Variants in UGGT2 observed in about 807,000 individuals in gnomAD.
The protein encoded by UGGT2 is UDP-glucose glycoprotein glucosyltransferase 2, also known as UDP-glucose:glycoprotein glucosyltransferase 2.
UGGT2 carries 180 observed loss-of-function variants against 192.1 expected under a neutral mutation model. The observed-to-expected ratio is 0.94, with a 90% CI of 0.83 to 1.06. The LOEUF (loss-of-function observed/expected upper bound fraction) is 1.06. Among genes scored for constraint, UGGT2 ranks in the 50% least tolerant of loss-of-function variants. The probability of loss-of-function intolerance (pLI) is 0.00; values close to 1 mark genes in which losing one functional copy is unlikely to be tolerated. For synonymous variants in UGGT2, 580 were observed against 591.0 expected, an observed-to-expected ratio of 0.98 and a Z score of 0.27; for missense variants, 1,849 against 1,795.7, an observed-to-expected ratio of 1.03 and a Z score of -0.54.
chr13:95,967,807 C>CCTCAGTTAAATTTAACT (rs2050636913), intron 12 of UGGT2, among the ~76,000 whole-genome samples: 1 of 152,112 alleles, frequency 6.6e-6, no homozygotes, highest in Non-Finnish European at 1.5e-5. Flanking sequence ...CTGATTTACA[C>CCTCAGTTAAATTTAACT]GTCCTCAGTT....
chr13:96,010,534 T>C (rs1301823170), intron 5 of UGGT2, among the ~76,000 whole-genome samples: 1 of 152,132 alleles, frequency 6.6e-6, no homozygotes, highest in African/African-American at 2.4e-5. Context: ...CCATTCAACA[T>C]TGACTAGAAG....
chr13:95,882,299 T>C (rs1003932031), intron 27 of UGGT2, among the ~76,000 whole-genome samples: 3 of 152,200 alleles, frequency 2.0e-5, no homozygotes, highest in African/African-American at 7.2e-5. Context: ...GTGAACAAAG[T>C]CCTGCCAAGG....
chr13:95,894,503 ATGG>A lies in UGGT2; in HGVS notation c.2855+56_2855+58del. 6 of 1,361,300 alleles carry A rather than the reference ATGG, an allele frequency of 4.4e-6. No homozygotes were observed. The South Asian group carries it at 7.5e-5, about 17-fold the overall frequency. The allele number at this position is 1,361,300 out of a possible 1,614,324, so 84.3% of individuals were successfully genotyped here. On this transcript the variant is annotated intron_variant, in intron 24 of 38. Transcript: ENST00000376747. ...AAATTTTACCATGTTATGAAAACAA[ATGG>A]AAATAATTGCATGCATTAACAGAAA... is the stretch of plus-strand genomic sequence containing the variant.
chr13:96,047,047 G>A (rs908273981), intron 1 of UGGT2, among the ~76,000 whole-genome samples: 37 of 152,184 alleles, frequency 2.4e-4, no homozygotes, highest in African/African-American at 8.4e-4. Flanking sequence ...TGGGGGTCAG[G>A]GCATAACTGA....
chr13:95,947,473 CAAG>C (rs2049914869), intron 14 of UGGT2, among the ~76,000 whole-genome samples: 1 of 144,594 alleles, frequency 6.9e-6, no homozygotes, highest in African/African-American at 2.5e-5. Context: ...TTTTTTGAGA[CAAG>C]AGTCTCGCTC....
intron 5 of UGGT2, 54 bp downstream of exon 5, chr13:96,013,253 A>G: frequency 6.7e-7 from 1 of 1,485,496 alleles, no homozygotes; most frequent in Non-Finnish European, 9.0e-7. Flanking sequence ...CGATTATCAT[A>G]ATAATTGTTT....
At chr13:95,813,469 A>C (rs967903401) in intron 38 of UGGT2, among the ~76,000 whole-genome samples, 8 of 152,186 alleles carry the variant, frequency 5.3e-5, no homozygotes, top group African/African-American at 1.7e-4. Context: ...TCTAAGCAGT[A>C]AAGTATTTAA....
intron 19 of UGGT2, among the ~76,000 whole-genome samples, chr13:95,926,145 C>T (rs1440499776): frequency 6.6e-6 from 1 of 151,750 alleles, no homozygotes; most frequent in East Asian, 1.9e-4. Flanking sequence ...TATGTAAAAC[C>T]GTAACAATCA....
chr13:95,885,800 G>A (rs565689871), intron 26 of UGGT2, among the ~76,000 whole-genome samples: 1 of 152,308 alleles, frequency 6.6e-6, no homozygotes, highest in South Asian at 2.1e-4. Context: ...GTAGTGAGTA[G>A]CAATTTCTTT....
chr13:95,936,921 T>C lies in UGGT2; in HGVS notation c.1977+3A>G. On this transcript the variant is annotated splice_donor_region_variant and intron_variant, in intron 17 of 38. Coordinates refer to ENST00000376747, the MANE Select transcript of UGGT2 (RefSeq NM_020121.4). Reference sequence around the variant, plus strand: ...ATGTATTTTCTTATAAATGCTTACCTACCAAAAAAACTTCTCTTTGTAAAT... The same window carrying C: ...ATGTATTTTCTTATAAATGCTTACCCACCAAAAAAACTTCTCTTTGTAAAT... 1 of 1,518,858 alleles carries C rather than the reference T, an allele frequency of 6.6e-7. No homozygotes were observed. The highest frequency in any genetic ancestry group is 8.8e-7 in the Non-Finnish European group (1 of 1,138,772). The allele number at this position is 1,518,858 out of a possible 1,614,324, so 94.1% of individuals were successfully genotyped here. A position where few individuals can be genotyped will look rare whatever the true frequency, so the allele number is the denominator to read the frequency against.
intron 5 of UGGT2, among the ~76,000 whole-genome samples, chr13:96,011,139 T>C (rs1057400770): frequency 1.3e-5 from 2 of 152,100 alleles, no homozygotes; most frequent in African/African-American, 4.8e-5. Flanking sequence ...AACATAAAAC[T>C]ATAAAACGCT....
chr13:95,925,815 T>A lies in UGGT2; in HGVS notation c.2201-41A>T, dbSNP rs7992179. On this transcript the variant is annotated intron_variant, in intron 19 of 38. Transcript: ENST00000376747. ...AGTTTACTCAAATTAACTTTTTTTT[T>A]AAAAAATAAAACAAAAGCAGGGGAA... 0.037 allele frequency: 51,495 copies of A among 1,376,044 alleles called. 1,120 individuals carry two copies. The highest frequency in any genetic ancestry group is 0.054 in the Middle Eastern group (256 of 4,724). 85.2% of individuals were successfully genotyped at this position (1,376,044 alleles called of 1,614,324 possible).
intron 15 of UGGT2, among the ~76,000 whole-genome samples, chr13:95,946,806 AAT>A (rs2049885984): frequency 6.6e-6 from 1 of 152,228 alleles, no homozygotes. Flanking sequence ...AGTAAATTCA[AAT>A]ATCTTGGTAG....
intron 24 of UGGT2, among the ~76,000 whole-genome samples, chr13:95,894,308 A>C (rs1173205667): frequency 6.6e-6 from 1 of 152,200 alleles, no homozygotes; most frequent in Non-Finnish European, 1.5e-5. Flanking sequence ...AGTATGAAAG[A>C]TATTAAAAAT....
intron 7 of UGGT2, chr13:95,991,525 A>G: frequency 2.2e-6 from 1 of 445,164 alleles, no homozygotes; most frequent in Non-Finnish European, 4.5e-6. Context: ...TGGTAATCTT[A>G]TAGTTACGAA....
At chr13:95,806,561 A>C (rs1403546075) in intron 38 of UGGT2, among the ~76,000 whole-genome samples, 2 of 152,186 alleles carry the variant, frequency 1.3e-5, no homozygotes, top group Non-Finnish European at 2.9e-5. Context: ...AAAACCTAAA[A>C]TTCATATGAA....
At chr13:96,026,211 T>C (rs1161632448) in intron 2 of UGGT2, among the ~76,000 whole-genome samples, 1 of 152,140 alleles carries the variant, frequency 6.6e-6, no homozygotes, top group African/African-American at 2.4e-5. Flanking sequence ...GCTCTAAAGT[T>C]AAAAATCAGA....
At chr13:95,970,343 C>A in intron 11 of UGGT2, 81 bp from the exon 12 acceptor site, 1 of 1,313,140 alleles carries the variant, frequency 7.6e-7, no homozygotes, top group South Asian at 1.5e-5. Context: ...AGTCTTAAAG[C>A]ATTAGAAATG....
In UGGT2 at chr13:95,867,399, T is replaced by A. The variant is rs1245998575; in HGVS notation, c.3498A>T (p.Ala1166=). ...IVGHEGTDSQ[A]DLEDIIVVLN... ...ATACAACAATGATATCTTCTAGGTCTGCTTGAGAGTCAGTTCCTTCATGCC... is the reference window on the plus strand; with the variant it reads ...ATACAACAATGATATCTTCTAGGTCAGCTTGAGAGTCAGTTCCTTCATGCC... Residue 1166 remains alanine, a synonymous_variant, in exon 30 of 39, where the codon GCA becomes GCT. Coordinates refer to ENST00000376747, the MANE Select transcript of UGGT2 (RefSeq NM_020121.4). 6.2e-7 allele frequency: 1 copy of A among 1,607,646 alleles called. No individual in the cohort carries two copies.
Sources: allele counts gnomAD v4.1 joint callset (sites outside exome capture counted in the v4.1 genomes callset), GRCh38; gene constraint gnomAD v4.1.1; transcripts MANE v1.5; gene names NCBI Gene and HGNC (gene_info 2026-07-23, HGNC 2026-07-21).